The following SYT17 variants were observed in gnomAD, a reference collection of about 807,000 sequenced individuals.
The protein encoded by SYT17 is synaptotagmin-17.
Under a neutral mutation model 46.7 loss-of-function variants are expected in SYT17, and 22 were observed. The ratio of observed to expected loss-of-function variants is 0.47; its 90% CI spans 0.34 to 0.67. The LOEUF (loss-of-function observed/expected upper bound fraction) is 0.67, where lower values mean the gene tolerates loss of function less well. Among genes scored for constraint, SYT17 ranks in the 30% least tolerant of loss-of-function variants. The pLI is 0.01. For missense variants in SYT17, 519 were observed against 612.8 expected (o/e 0.85, Z 1.62); for synonymous variants, 251 against 248.4 (o/e 1.01, Z -0.10).
chr16:19,267,051 C>T lies in SYT17; in HGVS notation c.1400C>T (p.Ser467Phe). ...TCCCGAGCTGAGTGTGACCGCGTGT[C>T]TCCTGCCTCCCTGGAGGTGACCTGA... ...LRSRAECDRV[S>F]PASLEVT The change falls in exon 8 of 8, where the codon TCT becomes TTT. Residue 467 changes from serine to phenylalanine, a missense_variant. By Grantham distance (155) the Ser-to-Phe change is radical. Coordinates refer to ENST00000355377, the MANE Select transcript of SYT17 (RefSeq NM_016524.4). 3.7e-6 allele frequency: 6 copies of T among 1,610,842 alleles called. No individual in the cohort carries two copies. Among genetic ancestry groups the T allele is most frequent in the Non-Finnish European group, 5.1e-6 (6 of 1,179,072 alleles).
At chr16:19,210,528 G>C (rs772229810) in intron 5 of SYT17, among the ~76,000 whole-genome samples, 3 of 150,014 alleles carry the variant, frequency 2.0e-5, no homozygotes, top group Non-Finnish European at 3.0e-5. Flanking sequence ...TTTCTTAAAG[G>C]GTATTTCAGA....
chr16:19,180,403 G>C lies in SYT17; in HGVS notation c.195G>C (p.Arg65=). ...AQTPPWLMAS[R]SSDKDGDSVH... is the part of the protein sequence containing the mutation. ...TCCCTTCCTATAGGATGGCCAGCCG[G>C]AGCAGTGACAAGGATGGTGACTCTG... Residue 65 remains arginine (R), a synonymous_variant, in exon 4 of 8, where the codon CGG becomes CGC. Coordinates refer to ENST00000355377, the MANE Select transcript of SYT17 (RefSeq NM_016524.4). 1 of 1,614,158 alleles carries C rather than the reference G, an allele frequency of 6.2e-7. No individual in the cohort carries two copies. Among genetic ancestry groups the C allele is most frequent in the Non-Finnish European group, 8.5e-7 (1 of 1,180,030 alleles).
At chr16:19,253,030 GCT>G (rs1173054366) in intron 7 of SYT17, among the ~76,000 whole-genome samples, 1 of 152,216 alleles carries the variant, frequency 6.6e-6, no homozygotes, top group Non-Finnish European at 1.5e-5. Context: ...TGCTGCTACT[GCT>G]GGTGTGGAGA....
intron 7 of SYT17, among the ~76,000 whole-genome samples, chr16:19,230,996 A>G (rs978301316): frequency 1.3e-5 from 2 of 152,240 alleles, no homozygotes; most frequent in Non-Finnish European, 2.9e-5. Flanking sequence ...ATATATATAC[A>G]TAAATAAATA....
chr16:19,218,901 G>A (rs1213502335), intron 5 of SYT17, among the ~76,000 whole-genome samples: 1 of 152,062 alleles, frequency 6.6e-6, no homozygotes, highest in East Asian at 1.9e-4. Flanking sequence ...CCTTGCACAT[G>A]TTGTTCCCTC....
intron 5 of SYT17, among the ~76,000 whole-genome samples, chr16:19,211,841 T>C (rs1965915382): frequency 6.6e-6 from 1 of 151,996 alleles, no homozygotes; most frequent in East Asian, 1.9e-4. Context: ...TTAGCCAGGA[T>C]GGTCTCGATC....
chr16:19,232,143 C>T (rs368994278), intron 7 of SYT17, among the ~76,000 whole-genome samples: 4 of 152,166 alleles, frequency 2.6e-5, no homozygotes, highest in African/African-American at 7.2e-5. Flanking sequence ...ATGAAAGACC[C>T]CCACACCCTG....
intron 7 of SYT17, among the ~76,000 whole-genome samples, chr16:19,231,523 C>CAAAAAAAAAAAAAAAAAA (rs143448107): frequency 4.4e-5 from 2 of 45,850 alleles, no homozygotes; most frequent in Non-Finnish European, 8.3e-5. Context: ...AACTCCATCA[C>CAAAAAAAAAAAAAAAAAA]AAAAAAAAAA....
In SYT17 at chr16:19,232,356, G is replaced by A. The variant is rs187157242; in HGVS notation, c.1228+7518G>A. 1.4e-4 allele frequency among the ~76,000 whole-genome samples: 22 copies of A among 152,270 alleles called. 1 individual carries two copies. In the East Asian group the frequency reaches 2.3e-3, roughly 16 times the overall value. On this transcript the variant is annotated intron_variant, in intron 7 of 7. Transcript: ENST00000355377. Reference sequence around the variant, plus strand: ...ATGCATCTGCGTCGCCCAGGGATTTGTTAAAATGCAAATTCTGACTCAGTA... The same window carrying A: ...ATGCATCTGCGTCGCCCAGGGATTTATTAAAATGCAAATTCTGACTCAGTA...
At chr16:19,182,653 AGACAAC>A (rs1209525887) in intron 4 of SYT17, among the ~76,000 whole-genome samples, 1 of 152,200 alleles carries the variant, frequency 6.6e-6, no homozygotes, top group Non-Finnish European at 1.5e-5. Context: ...TGTCTCATAA[AGACAAC>A]TGTTTGGGCA....
At chr16:19,213,828 C>T (rs972520509) in intron 5 of SYT17, among the ~76,000 whole-genome samples, 1 of 152,154 alleles carries the variant, frequency 6.6e-6, no homozygotes, top group Admixed American at 6.5e-5. Flanking sequence ...CTGCACCTGA[C>T]GAACTGTTCT....
chr16:19,248,346 C>A (rs916105228), intron 7 of SYT17, among the ~76,000 whole-genome samples: 1 of 152,132 alleles, frequency 6.6e-6, no homozygotes, highest in African/African-American at 2.4e-5. Flanking sequence ...TATTTACCAT[C>A]CAACCCATGA....
chr16:19,200,634 A>G (rs1186027002), intron 5 of SYT17, among the ~76,000 whole-genome samples: 1 of 152,178 alleles, frequency 6.6e-6, no homozygotes, highest in Non-Finnish European at 1.5e-5. Context: ...TTCGAGTTTT[A>G]TTTCTAGGTG....
chr16:19,173,186 T>C (rs1964170687), intron 2 of SYT17: 2 of 552,926 alleles, frequency 3.6e-6, no homozygotes, highest in African/African-American at 3.8e-5. Flanking sequence ...CTGCAAATGT[T>C]TTGCTTGCTA....
chr16:19,207,847 G>A (rs750923131), intron 5 of SYT17, among the ~76,000 whole-genome samples: 2 of 151,970 alleles, frequency 1.3e-5, no homozygotes, highest in Non-Finnish European at 2.9e-5. Flanking sequence ...GCTGCGAGCT[G>A]TGATCACACC....
At chr16:19,266,171 A>T (rs6497339) in intron 7 of SYT17, among the ~76,000 whole-genome samples, 94,628 of 152,124 alleles carry the variant, frequency 0.62, 30,331 homozygotes, top group East Asian at 0.99. Flanking sequence ...TGCCTCAGAG[A>T]CACAGAGCTT....
intron 5 of SYT17, among the ~76,000 whole-genome samples, chr16:19,208,656 G>T (rs1384431679): frequency 1.3e-5 from 2 of 152,116 alleles, no homozygotes; most frequent in South Asian, 4.1e-4. Flanking sequence ...TGTCAGGAAG[G>T]TGTTGGCAAA....
chr16:19,174,151 G>A (rs1182058166), intron 3 of SYT17, among the ~76,000 whole-genome samples: 1 of 152,194 alleles, frequency 6.6e-6, no homozygotes, highest in Non-Finnish European at 1.5e-5. Flanking sequence ...CTCCAACGCT[G>A]TTTATGTTCT....
Position 19,223,167 on chromosome 16 carries a change from T to G in SYT17, c.1072+2T>G. 1 of 1,613,512 alleles carries G rather than the reference T, an allele frequency of 6.2e-7. No homozygotes were observed. Among genetic ancestry groups the G allele is most frequent in the East Asian group, 2.2e-5 (1 of 44,874 alleles). ...AGACAGATGTGAGCCAAGGTTCAGG[T>G]ACCGTGTGATTCCCCTCTTCTCTCA... On this transcript the variant is annotated splice_donor_variant, in intron 6 of 7. Transcript: ENST00000355377. LOFTEE classifies it high-confidence loss of function.
Sources: gnomAD v4.1 joint callset for allele counts (sites outside exome capture counted in the v4.1 genomes callset) on GRCh38, gnomAD v4.1.1 for gene constraint, MANE v1.5 for transcripts, NCBI Gene and HGNC (gene_info 2026-07-23, HGNC 2026-07-21) for gene names.